Variants in SHANK2 observed in about 807,000 individuals in gnomAD.
The protein encoded by SHANK2 is SH3 and multiple ankyrin repeat domains 2.
In SHANK2, 43 loss-of-function variants were observed where a neutral mutation model predicts 133.7. The ratio of observed to expected loss-of-function variants is 0.32; its 90% CI spans 0.25 to 0.41. The LOEUF is 0.41. SHANK2 is among the 10% of genes least tolerant of loss of function. SHANK2 has a pLI of 1.00. For synonymous variants in SHANK2, 1,017 were observed against 952.8 expected (o/e 1.07, Z -1.24); for missense variants, 1,994 against 2,235.8 (o/e 0.89, Z 2.18).
At chr11:71,086,234 ATATAATATATTATG>A (rs1951411321) in intron 8 of SHANK2, among the ~76,000 whole-genome samples, 2 of 51,558 alleles carry the variant, frequency 3.9e-5, no homozygotes, top group African/African-American at 1.4e-4. Flanking sequence ...ATATTAAATT[ATATAATATATTATG>A]TTATATATGT....
At chr11:70,591,664 A>C (rs1350403054) in intron 17 of SHANK2, among the ~76,000 whole-genome samples, 1 of 152,198 alleles carries the variant, frequency 6.6e-6, no homozygotes, top group African/African-American at 2.4e-5. Context: ...ATCCTGAAAT[A>C]GTGTTTTCTC....
intron 11 of SHANK2, among the ~76,000 whole-genome samples, chr11:70,823,406 C>T (rs562259925): frequency 1.5e-5 from 2 of 132,830 alleles, no homozygotes; most frequent in Non-Finnish European, 3.2e-5. Context: ...ACAGAGGTGG[C>T]GTTGGCAGAA....
chr11:70,818,937 G>A (rs915226284), intron 12 of SHANK2, among the ~76,000 whole-genome samples: 8 of 152,242 alleles, frequency 5.3e-5, no homozygotes, highest in African/African-American at 1.2e-4. Flanking sequence ...AAACTCACAC[G>A]GAGCTTGCCA....
At position 70,553,388 on chromosome 11, in the gene SHANK2, C is replaced by T. The variant is rs555745314; in HGVS notation, c.2062-50457G>A. Reference sequence around the variant, plus strand: ...GATTACAGGCGTGAGCCACCGTGCCCGGCCTGATCTTAATCATCTCTTTAA... The same window carrying T: ...GATTACAGGCGTGAGCCACCGTGCCTGGCCTGATCTTAATCATCTCTTTAA... On this transcript the variant is annotated intron_variant, in intron 17 of 25. Coordinates refer to ENST00000601538, the MANE Select transcript of SHANK2 (RefSeq NM_012309.5). Among the ~76,000 whole-genome samples the T allele has an allele frequency of 4.6e-5, 7 of 152,292 alleles. No individual in the cohort carries two copies. In the East Asian group the frequency reaches 5.8e-4, roughly 13 times the overall value.
At chr11:70,879,154 T>A (rs1254674241) in intron 11 of SHANK2, among the ~76,000 whole-genome samples, 1 of 152,234 alleles carries the variant, frequency 6.6e-6, no homozygotes, top group Non-Finnish European at 1.5e-5. Flanking sequence ...CAGAATCCCA[T>A]GAACTGCTGC....
intron 10 of SHANK2, chr11:70,907,910 T>A: frequency 2.2e-6 from 1 of 453,366 alleles, no homozygotes; most frequent in South Asian, 1.6e-5. Flanking sequence ...GAGACCAGTC[T>A]GGCCAACATA....
intron 1 of SHANK2, among the ~76,000 whole-genome samples, chr11:71,240,355 C>T (rs575271356): frequency 5.3e-5 from 8 of 152,180 alleles, no homozygotes; most frequent in Non-Finnish European, 1.2e-4. Context: ...AGTGACAAGC[C>T]GTGACAAGCT....
chr11:70,657,883 T>G (rs1336622214), intron 17 of SHANK2, among the ~76,000 whole-genome samples: 3 of 152,150 alleles, frequency 2.0e-5, no homozygotes, highest in African/African-American at 4.8e-5. Context: ...GTCCACCTTC[T>G]CAGCCCCACC....
At chr11:70,497,007 C>A in intron 21 of SHANK2, 1 of 456,708 alleles carries the variant, frequency 2.2e-6, no homozygotes. Context: ...TCCTAATAAC[C>A]CCAAAACAAA....
At chr11:70,734,527 G>A (rs568742689) in intron 14 of SHANK2, among the ~76,000 whole-genome samples, 6 of 152,302 alleles carry the variant, frequency 3.9e-5, no homozygotes, top group East Asian at 1.9e-4. Context: ...GGAGCCCAGC[G>A]GACACAGAGC....
intron 14 of SHANK2, among the ~76,000 whole-genome samples, chr11:70,768,783 G>T (rs1412591843): frequency 1.3e-5 from 2 of 152,172 alleles, no homozygotes; most frequent in Non-Finnish European, 2.9e-5. Context: ...CTGCAGGGGT[G>T]TGAGGGTGAG....
intron 17 of SHANK2, among the ~76,000 whole-genome samples, chr11:70,635,778 A>G (rs915965722): frequency 1.9e-4 from 28 of 151,262 alleles, no homozygotes; most frequent in Non-Finnish European, 5.9e-5. Flanking sequence ...GGGGGGAGGA[A>G]GTGAATGGAG....
At chr11:71,244,339 C>T (rs149017721) in intron 1 of SHANK2, among the ~76,000 whole-genome samples, 57 of 152,346 alleles carry the variant, frequency 3.7e-4, no homozygotes, top group African/African-American at 1.2e-3. Context: ...ATATCCTGAA[C>T]GACAAGAAAA....
At chr11:70,728,112 C>A (rs1320831529) in intron 14 of SHANK2, among the ~76,000 whole-genome samples, 2 of 152,216 alleles carry the variant, frequency 1.3e-5, no homozygotes, top group African/African-American at 4.8e-5. Flanking sequence ...GAGCCTACAG[C>A]TTCCCTGGCG....
chr11:70,856,862 C>A (rs1284792443), intron 11 of SHANK2, among the ~76,000 whole-genome samples: 1 of 152,174 alleles, frequency 6.6e-6, no homozygotes, highest in African/African-American at 2.4e-5. Context: ...CAGTGTGGTT[C>A]TCCCTGCTCT....
intron 10 of SHANK2, among the ~76,000 whole-genome samples, chr11:70,905,440 G>A (rs116713242): frequency 5.9e-5 from 9 of 152,116 alleles, no homozygotes; most frequent in South Asian, 2.1e-4. Flanking sequence ...TCTGAATGAC[G>A]AAATGACTCT....
intron 3 of SHANK2, among the ~76,000 whole-genome samples, chr11:71,119,341 G>A (rs1429372374): frequency 6.6e-6 from 1 of 152,158 alleles, no homozygotes; most frequent in East Asian, 1.9e-4. Flanking sequence ...CAGCACTTTG[G>A]GAGGTCCAGG....
chr11:70,613,224 G>C (rs1288854141), intron 17 of SHANK2, among the ~76,000 whole-genome samples: 1 of 151,686 alleles, frequency 6.6e-6, no homozygotes, highest in Non-Finnish European at 1.5e-5. Context: ...TTTTTTTTGA[G>C]ATGGAGTCTT....
chr11:70,525,224 CTCT>C (rs1158236297), intron 17 of SHANK2, among the ~76,000 whole-genome samples: 4 of 152,242 alleles, frequency 2.6e-5, no homozygotes, highest in Admixed American at 6.5e-5. Flanking sequence ...CCGCAGGTAA[CTCT>C]TCTTCTGGGA....
Sources: allele counts gnomAD v4.1 joint callset (sites outside exome capture counted in the v4.1 genomes callset), GRCh38; gene constraint gnomAD v4.1.1; transcripts MANE v1.5; gene names NCBI Gene and HGNC (gene_info 2026-07-23, HGNC 2026-07-21).